The following RIMS1 variants were observed in gnomAD, a reference collection of about 807,000 sequenced individuals.
RIMS1 encodes regulating synaptic membrane exocytosis 1.
A neutral mutation model predicts 214.1 loss-of-function variants in RIMS1; 83 were observed. That is an observed-to-expected ratio of 0.39 (90% confidence interval 0.32 to 0.47). RIMS1 has a LOEUF of 0.47. RIMS1 is among the 20% of genes least tolerant of loss of function. RIMS1 has a pLI of 0.99. For synonymous variants in RIMS1, 793 were observed against 786.8 expected, an observed-to-expected ratio of 1.01 and a Z score of -0.13; for missense variants, 2,050 against 2,161.8, an observed-to-expected ratio of 0.95 and a Z score of 1.03.
intron 16 of RIMS1, among the ~76,000 whole-genome samples, chr6:72,255,963 G>C (rs1410052201): frequency 6.7e-6 from 1 of 149,304 alleles, no homozygotes; most frequent in Admixed American, 6.7e-5. Flanking sequence ...TTCAACACGA[G>C]AGGCAGAGGT....
At chr6:72,077,571 T>C (rs1171616151) in intron 2 of RIMS1, among the ~76,000 whole-genome samples, 1 of 152,230 alleles carries the variant, frequency 6.6e-6, no homozygotes, top group Non-Finnish European at 1.5e-5. Context: ...ACTTTATTGG[T>C]CTTTCCATTC....
chr6:72,357,038 G>C (rs1195601620), intron 29 of RIMS1, among the ~76,000 whole-genome samples: 1 of 152,124 alleles, frequency 6.6e-6, no homozygotes, highest in Non-Finnish European at 1.5e-5. Context: ...GTGACTACAG[G>C]ATAAAGCACA....
chr6:71,992,624 T>TTCC (rs1802187513), intron 2 of RIMS1, among the ~76,000 whole-genome samples: 5 of 148,424 alleles, frequency 3.4e-5, no homozygotes, highest in African/African-American at 4.9e-5. Flanking sequence ...CTTCTTCTTC[T>TTCC]TCTTCCTCTT....
At chr6:71,961,845 G>C (rs909203857) in intron 1 of RIMS1, among the ~76,000 whole-genome samples, 1 of 152,100 alleles carries the variant, frequency 6.6e-6, no homozygotes, top group Non-Finnish European at 1.5e-5. Flanking sequence ...AGTTGTGTTG[G>C]ATTTGCAGGC....
At chr6:72,326,487 A>G (rs2096470685) in intron 28 of RIMS1, among the ~76,000 whole-genome samples, 1 of 151,688 alleles carries the variant, frequency 6.6e-6, no homozygotes, top group Non-Finnish European at 1.5e-5. Flanking sequence ...ATGTTATTTT[A>G]TTATTTTTAA....
In RIMS1 at chr6:72,163,554, G is replaced by C. The variant is rs138948968; in HGVS notation, c.472-16021G>C. On this transcript the variant is annotated intron_variant, in intron 4 of 33. Transcript: ENST00000521978. The stretch of plus-strand genomic sequence containing the variant: ...CTTTGATGATGGTGATGTATAAATG[G>C]GTTTTTGGTGTGGATGTCCTTTCTG... Among the ~76,000 whole-genome samples, 50 of 140,638 alleles carry C rather than the reference G, an allele frequency of 3.6e-4. 6 individuals carry two copies. The East Asian group carries it at 9.5e-3, about 27-fold the overall frequency. The allele number at this position is 140,638 out of a possible 152,430, so 92.3% of individuals were successfully genotyped here.
chr6:71,936,483 C>CA (rs927582171), intron 1 of RIMS1, among the ~76,000 whole-genome samples: 4 of 151,972 alleles, frequency 2.6e-5, no homozygotes, highest in Admixed American at 1.3e-4. Flanking sequence ...AACTAATCAA[C>CA]AAAAAACCAA....
chr6:72,293,977 G>A (rs1356737066), intron 26 of RIMS1, among the ~76,000 whole-genome samples: 1 of 151,424 alleles, frequency 6.6e-6, no homozygotes, highest in South Asian at 2.1e-4. Flanking sequence ...ATGATCTTTA[G>A]AGTTATATAC....
At position 72,164,112 on chromosome 6, in the gene RIMS1, C is replaced by T. The variant is rs545819582; in HGVS notation, c.472-15463C>T. 1.4e-4 allele frequency among the ~76,000 whole-genome samples: 21 copies of T among 152,258 alleles called. No individual in the cohort carries two copies. In the East Asian group the frequency reaches 2.9e-3, roughly 21 times the overall value. On this transcript the variant is annotated intron_variant, in intron 4 of 33. Transcript: ENST00000521978. Reference sequence around the variant, plus strand: ...ATGGTGGGCGCCCCTCCCCCAGTCTCGCTGCTGCCTTGCAGTTTGATCTCA... The same window carrying T: ...ATGGTGGGCGCCCCTCCCCCAGTCTTGCTGCTGCCTTGCAGTTTGATCTCA...
intron 6 of RIMS1, among the ~76,000 whole-genome samples, chr6:72,191,516 T>C (rs2050071292): frequency 6.6e-6 from 1 of 152,224 alleles, no homozygotes; most frequent in South Asian, 2.1e-4. Context: ...TGTGATACCT[T>C]GTAGAAGGGA....
chr6:72,149,383 A>G (rs1229626553), intron 4 of RIMS1, among the ~76,000 whole-genome samples: 3 of 152,132 alleles, frequency 2.0e-5, no homozygotes, highest in Non-Finnish European at 1.5e-5. Flanking sequence ...TGCAGACTGG[A>G]GCCGGTCTAG....
chr6:72,181,949 G>A (rs2048462630), intron 5 of RIMS1, among the ~76,000 whole-genome samples: 1 of 152,146 alleles, frequency 6.6e-6, no homozygotes, highest in Non-Finnish European at 1.5e-5. Flanking sequence ...ATCCTCACAT[G>A]AACCTTGCAA....
rs148055171 is a variant in RIMS1 at position 72,100,803 on chromosome 6, T to A, written c.471+817T>A. Among the ~76,000 whole-genome samples, 527 of 152,092 alleles carry A rather than the reference T, an allele frequency of 3.5e-3. 2 individuals carry two copies. The highest frequency in any genetic ancestry group is 0.012 in the African/African-American group (496 of 41,554). ...CAACTGAGCTGCCTTTGTTCAAAAA[T>A]TTTAAAGCTTATATGATACACTGCA... On this transcript the variant is annotated intron_variant, in intron 4 of 33. Transcript: ENST00000521978.
chr6:72,265,104 C>T (rs1250974232), intron 20 of RIMS1, 52 bp downstream of exon 20: 1 of 992,028 alleles, frequency 1.0e-6, no homozygotes, highest in South Asian at 1.7e-5. Flanking sequence ...TTCCTAATCC[C>T]TTGCCTACTA....
rs188818032 is a variant in RIMS1 at position 72,289,229 on chromosome 6, C to G, written c.3555-1450C>G. 6.6e-5 allele frequency among the ~76,000 whole-genome samples: 10 copies of G among 152,196 alleles called. No homozygotes were observed. The East Asian group carries it at 1.5e-3, about 24-fold the overall frequency. The stretch of plus-strand genomic sequence containing the variant: ...AAAACTGTATAATTCCATTTGCGAG[C>G]CACGTTTAGAAAGAGTATCTTGAAC... On this transcript the variant is annotated intron_variant, in intron 24 of 33. Transcript: ENST00000521978.
At chr6:72,184,396 G>A (rs2081817090) in intron 6 of RIMS1, among the ~76,000 whole-genome samples, 1 of 152,208 alleles carries the variant, frequency 6.6e-6, no homozygotes, top group African/African-American at 2.4e-5. Flanking sequence ...TGTTGCTGCA[G>A]CTACGTCAGC....
intron 4 of RIMS1, among the ~76,000 whole-genome samples, chr6:72,117,109 A>T (rs2037237731): frequency 6.6e-6 from 1 of 151,972 alleles, no homozygotes. Flanking sequence ...GCAAGTGTAT[A>T]CAAATCTTCT....
chr6:72,243,341 G>C (rs1022213619), intron 10 of RIMS1, among the ~76,000 whole-genome samples: 2 of 151,546 alleles, frequency 1.3e-5, no homozygotes, highest in African/African-American at 4.8e-5. Context: ...GAATGAAAAT[G>C]TATGATCATA....
At chr6:72,294,362 A>T (rs1214281766) in intron 26 of RIMS1, among the ~76,000 whole-genome samples, 1 of 151,766 alleles carries the variant, frequency 6.6e-6, no homozygotes, top group Non-Finnish European at 1.5e-5. Flanking sequence ...ATGAAGATTA[A>T]TGCTGACCAC....
Sources: gnomAD v4.1 joint callset for allele counts (sites outside exome capture counted in the v4.1 genomes callset) on GRCh38, gnomAD v4.1.1 for gene constraint, MANE v1.5 for transcripts, NCBI Gene and HGNC (gene_info 2026-07-23, HGNC 2026-07-21) for gene names.